MLLT10: variants seen among roughly 807,000 people sequenced by gnomAD.
MLLT10 encodes MLLT10 histone lysine methyltransferase DOT1L cofactor.
A neutral mutation model predicts 129.1 loss-of-function variants in MLLT10; 30 were observed. The ratio of observed to expected loss-of-function variants is 0.23; its 90% CI spans 0.17 to 0.32. MLLT10 has a LOEUF of 0.32. MLLT10 is among the 10% of genes least tolerant of loss of function. MLLT10 has a pLI of 1.00. For synonymous variants in MLLT10, 490 were observed against 446.4 expected, an observed-to-expected ratio of 1.10 and a Z score of -1.23; for missense variants, 1,119 against 1,268.3, an observed-to-expected ratio of 0.88 and a Z score of 1.79.
intron 12 of MLLT10, among the ~76,000 whole-genome samples, chr10:21,681,997 C>T (rs1295429908): frequency 6.6e-6 from 1 of 152,054 alleles, no homozygotes; most frequent in African/African-American, 2.4e-5. Context: ...TGACAATATA[C>T]CTTAACATAT....
chr10:21,719,929 A>T (rs1342308365), intron 14 of MLLT10, among the ~76,000 whole-genome samples: 2 of 152,228 alleles, frequency 1.3e-5, no homozygotes, highest in Admixed American at 6.5e-5. Flanking sequence ...ACATAGATAA[A>T]TGAATTTTAG....
At chr10:21,660,746 C>T (rs749305184) in intron 9 of MLLT10, among the ~76,000 whole-genome samples, 8 of 149,348 alleles carry the variant, frequency 5.4e-5, no homozygotes, top group Non-Finnish European at 1.0e-4. Context: ...TGGTGCCGGA[C>T]GCCTGTAATC....
At chr10:21,641,083 G>A (rs1365239514) in intron 8 of MLLT10, among the ~76,000 whole-genome samples, 1 of 152,204 alleles carries the variant, frequency 6.6e-6, no homozygotes, top group African/African-American at 2.4e-5. Context: ...TACGTTGATT[G>A]GAACCCAGTG....
Position 21,719,357 on chromosome 10 carries a change from C to T in MLLT10, c.1878+5407C>T, listed in dbSNP as rs115996411. 8.9e-3 allele frequency among the ~76,000 whole-genome samples: 1,348 copies of T among 152,216 alleles called. 14 individuals are homozygous for T. Among genetic ancestry groups the T allele is most frequent in the African/African-American group, 0.031 (1,272 of 41,524 alleles). On this transcript the variant is annotated intron_variant, in intron 14 of 22. Transcript: ENST00000307729. ...TTATAATTTTAAGGGAATTACCTTTCTGAGGAAAATCAGTTTTCATAACCT... is the reference window on the plus strand; with the variant it reads ...TTATAATTTTAAGGGAATTACCTTTTTGAGGAAAATCAGTTTTCATAACCT...
At chr10:21,701,446 GTTTACTGCTATAAACTT>G (rs1032601321) in intron 13 of MLLT10, among the ~76,000 whole-genome samples, 1 of 151,752 alleles carries the variant, frequency 6.6e-6, no homozygotes, top group African/African-American at 2.4e-5. Context: ...TGATGTAGAT[GTTTACTGCTATAAACTT>G]TTTAGTGTTG....
rs368089141 is a variant in MLLT10, at chr10:21,557,160, T to C, written c.240+18248T>C. The C allele has an allele frequency of 1.9e-4, 259 of 1,347,778 alleles. No individual in the cohort carries two copies. In the East Asian group the frequency reaches 6.8e-3, roughly 35 times the overall value. The allele number at this position is 1,347,778 out of a possible 1,614,324, so 83.5% of individuals were successfully genotyped here. ...TTCGCTGTTAAACTTCCTGAAAAAATAAAACTAGTTGATTCACTTCTTCAA... is the reference window on the plus strand; with the variant it reads ...TTCGCTGTTAAACTTCCTGAAAAAACAAAACTAGTTGATTCACTTCTTCAA... On this transcript the variant is annotated intron_variant, in intron 3 of 22. Transcript: ENST00000307729.
chr10:21,612,622 A>G (rs1324134393), intron 6 of MLLT10, among the ~76,000 whole-genome samples, 171 bp downstream of exon 6: 1 of 152,206 alleles, frequency 6.6e-6, no homozygotes, highest in Non-Finnish European at 1.5e-5. Flanking sequence ...AACTGAATGT[A>G]TTTACCAGAG....
chr10:21,601,984 G>A (rs2043578657), intron 5 of MLLT10, among the ~76,000 whole-genome samples: 2 of 152,026 alleles, frequency 1.3e-5, no homozygotes, highest in South Asian at 4.1e-4. Flanking sequence ...TACATTGCTG[G>A]GCAACATGGT....
intron 9 of MLLT10, among the ~76,000 whole-genome samples, chr10:21,653,822 T>C (rs1391701689): frequency 6.6e-6 from 1 of 152,188 alleles, no homozygotes; most frequent in Non-Finnish European, 1.5e-5. Context: ...GTCTCAACTT[T>C]GGATATTAAA....
chr10:21,663,357 CTG>C (rs2050406613), intron 9 of MLLT10, among the ~76,000 whole-genome samples: 2 of 151,398 alleles, frequency 1.3e-5, no homozygotes, highest in Admixed American at 6.6e-5. Context: ...GTAAGTCTCT[CTG>C]TGCACTGATT....
At chr10:21,701,308 G>A (rs2054886364) in intron 13 of MLLT10, among the ~76,000 whole-genome samples, 1 of 148,180 alleles carries the variant, frequency 6.7e-6, no homozygotes. Flanking sequence ...TTTTGAGAGG[G>A]AGAGGGGGTC....
intron 13 of MLLT10, among the ~76,000 whole-genome samples, chr10:21,705,119 A>AGT (rs1681978430): frequency 6.6e-6 from 1 of 152,084 alleles, no homozygotes; most frequent in Admixed American, 6.5e-5. Context: ...GCAGCCAGCC[A>AGT]GTGTGGTGTG....
intron 9 of MLLT10, among the ~76,000 whole-genome samples, chr10:21,657,416 A>AG (rs1564592045): frequency 6.7e-6 from 1 of 149,734 alleles, no homozygotes; most frequent in Admixed American, 6.6e-5. Flanking sequence ...AAAAAAAAAA[A>AG]GGTGAGAAAG....
At chr10:21,597,209 A>G (rs1410818804) in intron 5 of MLLT10, among the ~76,000 whole-genome samples, 2 of 152,190 alleles carry the variant, frequency 1.3e-5, no homozygotes, top group Non-Finnish European at 2.9e-5. Context: ...CCCATAAAGA[A>G]GGATACTCTC....
intron 8 of MLLT10, among the ~76,000 whole-genome samples, chr10:21,648,762 A>G (rs2048747249): frequency 6.6e-6 from 1 of 152,322 alleles, no homozygotes; most frequent in East Asian, 1.9e-4. Flanking sequence ...TAATGGTCTC[A>G]CAGTTGCACA....
chr10:21,670,589 G>A lies in MLLT10; in HGVS notation c.936G>A (p.Gly312=), dbSNP rs2051295282. 1 of 1,614,182 alleles carries A rather than the reference G, an allele frequency of 6.2e-7. No homozygotes were observed. Among genetic ancestry groups the A allele is most frequent in the South Asian group, 1.1e-5 (1 of 91,082 alleles). The change falls in exon 10 of 23, where the codon GGG becomes GGA. Residue 312 remains glycine, a synonymous_variant. Transcript: ENST00000307729. Reference sequence around the variant, plus strand: ...GAAAAGATGTTTCAGAGACTAGAGGGTCAGAGGGCAAAGGGAAGAAATCTT... The same window carrying A: ...GAAAAGATGTTTCAGAGACTAGAGGATCAGAGGGCAAAGGGAAGAAATCTT... ...SSGKDVSETR[G]SEGKGKKSSA... is the part of the protein sequence containing the mutation.
At chr10:21,699,230 G>A (rs1246204083) in intron 13 of MLLT10, among the ~76,000 whole-genome samples, 1 of 150,638 alleles carries the variant, frequency 6.6e-6, no homozygotes, top group Non-Finnish European at 1.5e-5. Flanking sequence ...ACTTGTTAAT[G>A]GTATCTTTTT....
At chr10:21,712,200 C>CTTTATTTATTTA (rs1461043413) in intron 13 of MLLT10, among the ~76,000 whole-genome samples, 11 of 53,468 alleles carry the variant, frequency 2.1e-4, no homozygotes, top group African/African-American at 1.3e-3. Context: ...AAGTCAATAA[C>CTTTATTTATTTA]TTCATTTATT....
chr10:21,723,797 T>C (rs560307214), intron 14 of MLLT10, among the ~76,000 whole-genome samples: 63 of 152,350 alleles, frequency 4.1e-4, no homozygotes, highest in African/African-American at 1.5e-3. Context: ...AGTGGATCTT[T>C]TTTAGAATTG....
Sources: gnomAD v4.1 joint callset for allele counts (sites outside exome capture counted in the v4.1 genomes callset) on GRCh38, gnomAD v4.1.1 for gene constraint, MANE v1.5 for transcripts, NCBI Gene and HGNC (gene_info 2026-07-23, HGNC 2026-07-21) for gene names.